The following ITGBL1 variants were observed in gnomAD, a reference collection of about 807,000 sequenced individuals.
The protein encoded by ITGBL1 is integrin beta-like protein 1.
A neutral mutation model predicts 68.5 loss-of-function variants in ITGBL1; 51 were observed. The observed-to-expected ratio is 0.74, with a 90% CI of 0.59 to 0.94. The LOEUF (loss-of-function observed/expected upper bound fraction) is 0.94, where lower values mean the gene tolerates loss of function less well. ITGBL1 is among the 40% of genes least tolerant of loss of function. ITGBL1 has a pLI of 0.00. For missense variants in ITGBL1, 649 were observed against 647.4 expected (o/e 1.00, Z -0.03); for synonymous variants, 209 against 227.3 (o/e 0.92, Z 0.72).
In ITGBL1 at chr13:101,598,262, G is replaced by A; in HGVS notation, c.978G>A (p.Lys326=). 1.2e-6 allele frequency: 2 copies of A among 1,613,366 alleles called. No homozygotes were observed. Residue 326 remains lysine, a synonymous_variant, in exon 7 of 11, where the codon AAG becomes AAA. Coordinates refer to ENST00000376180, the MANE Select transcript of ITGBL1 (RefSeq NM_004791.3). ...CTLSAEESIR[K]CQGSSDLPCS... is the part of the protein sequence containing the mutation. ...TGTCAGCTGAGGAGAGCATCAGGAA[G>A]TGCCAGGGAAGCTCGGATCTGCCTT...
At chr13:101,575,659 A>G (rs1190316297) in intron 4 of ITGBL1, 113 bp downstream of exon 4, 8 of 1,016,200 alleles carry the variant, frequency 7.9e-6, no homozygotes, top group African/African-American at 3.2e-5. Flanking sequence ...TGTAGTTTAA[A>G]CCTATGTTTA....
chr13:101,548,227 C>A (rs996469426), intron 2 of ITGBL1, among the ~76,000 whole-genome samples: 1 of 151,752 alleles, frequency 6.6e-6, no homozygotes, highest in Non-Finnish European at 1.5e-5. Flanking sequence ...AACACTATAC[C>A]AAACTCACTG....
intron 8 of ITGBL1, among the ~76,000 whole-genome samples, chr13:101,693,314 A>G (rs576183012): frequency 2.6e-5 from 4 of 152,296 alleles, no homozygotes; most frequent in South Asian, 2.1e-4. Flanking sequence ...GAAAAAGTTC[A>G]TATCGCTGAG....
At chr13:101,507,988 C>G (rs2049053235) in intron 2 of ITGBL1, among the ~76,000 whole-genome samples, 1 of 152,120 alleles carries the variant, frequency 6.6e-6, no homozygotes, top group African/African-American at 2.4e-5. Context: ...GCAGCTGGCT[C>G]TACAACTAAC....
intron 7 of ITGBL1, among the ~76,000 whole-genome samples, chr13:101,635,572 C>A (rs1367978381): frequency 2.0e-5 from 3 of 151,904 alleles, no homozygotes; most frequent in Non-Finnish European, 4.4e-5. Context: ...TGAAATGTGG[C>A]CATATTTCAA....
chr13:101,489,497 A>G (rs2048745985), intron 2 of ITGBL1, among the ~76,000 whole-genome samples: 1 of 152,224 alleles, frequency 6.6e-6, no homozygotes, highest in Non-Finnish European at 1.5e-5. Flanking sequence ...GAGGGGCTCA[A>G]TATAATTTAG....
At chr13:101,552,506 C>T (rs537763558) in intron 2 of ITGBL1, among the ~76,000 whole-genome samples, 1 of 152,248 alleles carries the variant, frequency 6.6e-6, no homozygotes, top group East Asian at 1.9e-4. Flanking sequence ...GATAGCTGAT[C>T]TTGTTTTGTA....
chr13:101,714,695 G>C (rs1203500042), intron 10 of ITGBL1, 144 bp downstream of exon 10: 1 of 620,304 alleles, frequency 1.6e-6, no homozygotes. Context: ...GTGGGCATTT[G>C]GGAAAAAGCC....
At chr13:101,692,499 G>T (rs963383165) in intron 7 of ITGBL1, 86 bp from the exon 8 acceptor site, 2 of 827,238 alleles carry the variant, frequency 2.4e-6, no homozygotes. Context: ...TAGGAGATTT[G>T]GGTTTAATAG....
intron 2 of ITGBL1, among the ~76,000 whole-genome samples, chr13:101,476,382 AT>A (rs777098289): frequency 6.6e-6 from 1 of 152,154 alleles, no homozygotes; most frequent in Non-Finnish European, 1.5e-5. Flanking sequence ...ATCAGAAAAA[AT>A]AATCTTCACA....
At chr13:101,481,002 ATGTG>A (rs71121195) in intron 2 of ITGBL1, among the ~76,000 whole-genome samples, 2,335 of 143,230 alleles carry the variant, frequency 0.016, 18 homozygotes, top group African/African-American at 0.023. Context: ...GCCAAAAGAT[ATGTG>A]TGTGTGTGTG....
intron 7 of ITGBL1, among the ~76,000 whole-genome samples, chr13:101,670,096 T>G (rs1369590252): frequency 1.3e-5 from 2 of 152,232 alleles, no homozygotes; most frequent in African/African-American, 4.8e-5. Flanking sequence ...CCAGGATAAC[T>G]TGATCTGTTC....
chr13:101,569,072 T>C (rs1304295214), intron 3 of ITGBL1, among the ~76,000 whole-genome samples: 23 of 70,698 alleles, frequency 3.3e-4, no homozygotes, highest in Admixed American at 4.7e-4. Flanking sequence ...ACACACACAC[T>C]TCTCTACTTC....
At chr13:101,712,886 A>T (rs1389358454) in intron 9 of ITGBL1, 1 of 152,180 alleles carries the variant, frequency 6.6e-6, no homozygotes, top group Non-Finnish European at 1.5e-5. Flanking sequence ...TCCTTTGCAG[A>T]CTGACCTGGG....
At chr13:101,674,151 A>G (rs1324777836) in intron 7 of ITGBL1, among the ~76,000 whole-genome samples, 1 of 152,236 alleles carries the variant, frequency 6.6e-6, no homozygotes, top group Non-Finnish European at 1.5e-5. Context: ...ACAATCATAT[A>G]CAAAGCCATT....
At chr13:101,661,750 A>T (rs1384425936) in intron 7 of ITGBL1, among the ~76,000 whole-genome samples, 1 of 152,122 alleles carries the variant, frequency 6.6e-6, no homozygotes, top group Non-Finnish European at 1.5e-5. Flanking sequence ...ATTTTTTTTC[A>T]AAAGTAAAAG....
At chr13:101,458,512 A>G (rs2048274915) in intron 2 of ITGBL1, among the ~76,000 whole-genome samples, 1 of 152,212 alleles carries the variant, frequency 6.6e-6, no homozygotes, top group African/African-American at 2.4e-5. Context: ...AGAGCTATTA[A>G]GAGTCCAAAT....
At chr13:101,523,405 C>G (rs572054513) in intron 2 of ITGBL1, among the ~76,000 whole-genome samples, 20 of 152,256 alleles carry the variant, frequency 1.3e-4, no homozygotes, top group Admixed American at 1.2e-3. Flanking sequence ...AGTTCACCAC[C>G]CACTATATTG....
At chr13:101,596,503 AT>A in intron 6 of ITGBL1, among the ~76,000 whole-genome samples, 1 of 152,330 alleles carries the variant, frequency 6.6e-6, no homozygotes, top group Admixed American at 6.5e-5. Context: ...TGTGGTAATC[AT>A]TTCACAATGC....
Sources: gnomAD v4.1 joint callset for allele counts (sites outside exome capture counted in the v4.1 genomes callset) on GRCh38, gnomAD v4.1.1 for gene constraint, MANE v1.5 for transcripts, NCBI Gene and HGNC (gene_info 2026-07-23, HGNC 2026-07-21) for gene names.